The following IKZF2 variants were observed in gnomAD, a reference collection of about 807,000 sequenced individuals.
The protein encoded by IKZF2 is zinc finger protein Helios.
In IKZF2, 15 loss-of-function variants were observed where a neutral mutation model predicts 49.2. That is an observed-to-expected ratio of 0.30 (90% CI 0.20 to 0.47). The LOEUF is 0.47. Among genes scored for constraint, IKZF2 ranks in the 20% least tolerant of loss-of-function variants. The probability of loss-of-function intolerance (pLI) is 1.00; values close to 1 mark genes in which losing one functional copy is unlikely to be tolerated. For synonymous variants in IKZF2, 227 were observed against 221.4 expected, an observed-to-expected ratio of 1.03 and a Z score of -0.23; for missense variants, 567 against 664.6, an observed-to-expected ratio of 0.85 and a Z score of 1.61.
At chr2:213,073,041 C>T (rs1186290764) in intron 4 of IKZF2, among the ~76,000 whole-genome samples, 3 of 151,854 alleles carry the variant, frequency 2.0e-5, no homozygotes, top group African/African-American at 4.8e-5. Context: ...AGTATTGTCT[C>T]GGATGCAAGA....
At chr2:213,037,422 T>G (rs1025081586) in intron 6 of IKZF2, among the ~76,000 whole-genome samples, 3 of 152,220 alleles carry the variant, frequency 2.0e-5, no homozygotes, top group Admixed American at 1.3e-4. Context: ...AAGTTTTACT[T>G]TCTTTTATTA....
At chr2:213,110,791 A>C (rs6731521) in intron 4 of IKZF2, among the ~76,000 whole-genome samples, 3,330 of 152,100 alleles carry the variant, frequency 0.022, 128 homozygotes, top group African/African-American at 0.076. Flanking sequence ...AGCCTTGCCA[A>C]CACAGCATGA....
intron 7 of IKZF2, chr2:213,014,616 G>T (rs1036881617): frequency 2.0e-5 from 3 of 151,966 alleles, no homozygotes; most frequent in Non-Finnish European, 4.4e-5. Context: ...CTAAACTACT[G>T]CCCTAATTCA....
chr2:213,086,832 A>T (rs905680209), intron 4 of IKZF2, among the ~76,000 whole-genome samples: 1 of 152,124 alleles, frequency 6.6e-6, no homozygotes, highest in East Asian at 1.9e-4. Context: ...CATCCCTGTC[A>T]ATCAACTATT....
intron 4 of IKZF2, among the ~76,000 whole-genome samples, chr2:213,131,508 T>C (rs1322472740): frequency 6.6e-6 from 1 of 152,226 alleles, no homozygotes; most frequent in East Asian, 1.9e-4. Flanking sequence ...CCTGTTTGTA[T>C]ATACATTTCA....
intron 4 of IKZF2, among the ~76,000 whole-genome samples, chr2:213,074,298 G>A (rs1282027288): frequency 6.6e-6 from 1 of 152,166 alleles, no homozygotes; most frequent in Non-Finnish European, 1.5e-5. Flanking sequence ...CACAAATCTA[G>A]ATAGGATAGC....
At chr2:213,029,567 T>C (rs1372505233) in intron 6 of IKZF2, among the ~76,000 whole-genome samples, 1 of 152,060 alleles carries the variant, frequency 6.6e-6, no homozygotes. Context: ...GTTTATCTAT[T>C]TTATTGATCT....
chr2:213,013,992 C>T (rs1363372297), intron 7 of IKZF2, 58 bp from the exon 8 acceptor site: 2 of 1,539,492 alleles, frequency 1.3e-6, no homozygotes, highest in African/African-American at 1.4e-5. Context: ...TTGGATGATA[C>T]AAAGCTGGAT....
At chr2:213,121,488 G>C in intron 4 of IKZF2, among the ~76,000 whole-genome samples, 1 of 152,200 alleles carries the variant, frequency 6.6e-6, no homozygotes, top group Non-Finnish European at 1.5e-5. Context: ...CAATGTGGAA[G>C]CTGGAGTTCT....
intron 5 of IKZF2, among the ~76,000 whole-genome samples, chr2:213,055,507 A>G (rs77987716): frequency 0.063 from 9,575 of 152,160 alleles, 540 homozygotes; most frequent in Non-Finnish European, 0.088. Context: ...GAATAAGTAT[A>G]TATGTTCTAA....
intron 4 of IKZF2, among the ~76,000 whole-genome samples, chr2:213,138,068 C>A (rs1005905838): frequency 9.2e-5 from 14 of 152,198 alleles, no homozygotes; most frequent in African/African-American, 2.9e-4. Flanking sequence ...ATACACTCAT[C>A]AAAATATCTG....
chr2:213,033,319 T>C (rs1698671339), intron 6 of IKZF2, among the ~76,000 whole-genome samples: 1 of 152,238 alleles, frequency 6.6e-6, no homozygotes, highest in Admixed American at 6.5e-5. Flanking sequence ...TCCCAACTCC[T>C]GTTAATATCT....
At chr2:213,129,934 C>T (rs1320697030) in intron 4 of IKZF2, among the ~76,000 whole-genome samples, 1 of 152,066 alleles carries the variant, frequency 6.6e-6, no homozygotes, top group Non-Finnish European at 1.5e-5. Context: ...AGTTGAAAGT[C>T]ATGAAAGCAT....
rs1383325943 is a variant in IKZF2, at chr2:213,002,288, G to T, written c.*5072C>A. Reference sequence around the variant, plus strand: ...AATATACAAATGCAGTGTTATGGGAGGAAAGCCCCATAAACAGAATTATGA... The same window carrying T: ...AATATACAAATGCAGTGTTATGGGATGAAAGCCCCATAAACAGAATTATGA... On this transcript the variant is annotated 3_prime_UTR_variant, in exon 9 of 9. Coordinates refer to ENST00000434687, the MANE Select transcript of IKZF2 (RefSeq NM_001387220.1). 2.0e-5 allele frequency: 3 copies of T among 151,404 alleles called. No homozygotes were observed. The highest frequency in any genetic ancestry group is 4.4e-5 in the Non-Finnish European group (3 of 67,556). The allele number at this position is 151,404 out of a possible 1,614,324, so 9.4% of individuals were successfully genotyped here. A position where few individuals can be genotyped will look rare whatever the true frequency, so the allele number is the denominator to read the frequency against.
Position 213,123,119 on chromosome 2 carries a change from C to G in IKZF2, c.139+24589G>C, listed in dbSNP as rs548893480. On this transcript the variant is annotated intron_variant, in intron 4 of 8. Transcript: ENST00000434687. ...TCCTCAGAGGAAGAAATGTGGATGC[C>G]TACAACCACTTTCAGTAGACTCCAT... Among the ~76,000 whole-genome samples, 3 of 152,276 alleles carry G rather than the reference C, an allele frequency of 2.0e-5. No individual in the cohort carries two copies. In the South Asian group the frequency reaches 6.2e-4, roughly 32 times the overall value.
chr2:213,118,464 T>C (rs764651737), intron 4 of IKZF2, among the ~76,000 whole-genome samples: 8 of 152,228 alleles, frequency 5.3e-5, no homozygotes, highest in Non-Finnish European at 8.8e-5. Context: ...ATGTGTTCTA[T>C]ATTTGTAAAA....
rs538331084 is a variant in IKZF2, at chr2:213,122,832, T to G, written c.139+24876A>C. Reference sequence around the variant, plus strand: ...TGGCTAGATTTTGCCACAGGTGACCTGGAACACGTGATATTTCTGCAGCTA... The same window carrying G: ...TGGCTAGATTTTGCCACAGGTGACCGGGAACACGTGATATTTCTGCAGCTA... On this transcript the variant is annotated intron_variant, in intron 4 of 8. Coordinates refer to ENST00000434687, the MANE Select transcript of IKZF2 (RefSeq NM_001387220.1). Among the ~76,000 whole-genome samples, 325 of 152,348 alleles carry G rather than the reference T, an allele frequency of 2.1e-3. 1 individual carries two copies. The highest frequency in any genetic ancestry group is 7.5e-3 in the African/African-American group (310 of 41,572).
chr2:213,080,166 A>C (rs1703778417), intron 4 of IKZF2, among the ~76,000 whole-genome samples: 1 of 151,482 alleles, frequency 6.6e-6, no homozygotes, highest in South Asian at 2.1e-4. Context: ...TATATATTTA[A>C]AAAATCTATA....
intron 7 of IKZF2, among the ~76,000 whole-genome samples, chr2:213,019,967 A>G (rs1697025552): frequency 6.6e-6 from 1 of 152,224 alleles, no homozygotes; most frequent in Non-Finnish European, 1.5e-5. Flanking sequence ...ATTTATTTAC[A>G]TTTTACCTCC....
Sources: gnomAD v4.1 joint callset for allele counts (sites outside exome capture counted in the v4.1 genomes callset) on GRCh38, gnomAD v4.1.1 for gene constraint, MANE v1.5 for transcripts, NCBI Gene and HGNC (gene_info 2026-07-23, HGNC 2026-07-21) for gene names.